Variants in PIEZO1 observed in about 807,000 individuals in gnomAD.
PIEZO1 encodes the protein piezo-type mechanosensitive ion channel component 1.
In PIEZO1, 296 loss-of-function variants were observed where a neutral mutation model predicts 297.2. That is an observed-to-expected ratio of 1.00 (90% CI 0.91 to 1.10). The LOEUF is 1.10. Among genes scored for constraint, PIEZO1 ranks in the 50% least tolerant of loss-of-function variants. The pLI is 0.00. For synonymous variants in PIEZO1, 2,427 were observed against 1,507.5 expected, an observed-to-expected ratio of 1.61 and a Z score of -14.13; for missense variants, 5,018 against 3,455.5, an observed-to-expected ratio of 1.45 and a Z score of -11.34.
At position 88,738,402 on chromosome 16, in the gene PIEZO1, G is replaced by A; in HGVS notation, c.673C>T (p.Leu225=). Residue 225 remains leucine, a synonymous_variant, in exon 7 of 51, where the codon CTG becomes TTG. Coordinates refer to ENST00000301015, the MANE Select transcript of PIEZO1 (RefSeq NM_001142864.4). The stretch of plus-strand genomic sequence containing the variant: ...CAGGTGCAGAGGGCCAGGAAGAGCA[G>A]CAGGTAGACACTGGAGAGGGCCGAG... ...HPSALSSVYL[L]LFLALCTWWA... The A allele has an allele frequency of 6.5e-7, 1 of 1,535,860 alleles. No individual in the cohort carries two copies. The highest frequency in any genetic ancestry group is 8.7e-7 in the Non-Finnish European group (1 of 1,146,848).
In PIEZO1 at chr16:88,731,862, G is replaced by A. The variant is rs1343480795; in HGVS notation, c.3040C>T (p.Leu1014=). ...VNVIGQRMNF[L]VTLHGCWLVA... ...AGCCAGCAACCGTGCAGGGTCACCAGAAAGTTCATGCGCTGCCCGATCACG... is the reference window on the plus strand; with the variant it reads ...AGCCAGCAACCGTGCAGGGTCACCAAAAAGTTCATGCGCTGCCCGATCACG... The change falls in exon 22 of 51, where the codon CTG becomes TTG. Residue 1014 remains leucine, a synonymous_variant. Transcript: ENST00000301015. The A allele has an allele frequency of 2.0e-6, 3 of 1,521,536 alleles. No individual in the cohort carries two copies. Among genetic ancestry groups the A allele is most frequent in the African/African-American group, 2.9e-5 (2 of 68,768 alleles). The allele number at this position is 1,521,536 out of a possible 1,614,324, so 94.3% of individuals were successfully genotyped here.
chr16:88,761,079 C>G (rs893772980), intron 1 of PIEZO1, among the ~76,000 whole-genome samples: 3 of 152,328 alleles, frequency 2.0e-5, no homozygotes, highest in African/African-American at 7.2e-5. Context: ...GTTTGCAGGG[C>G]AGGGTGGGGG....
At position 88,731,765 on chromosome 16, in the gene PIEZO1, G is replaced by A. The variant is rs770613391; in HGVS notation, c.3137C>T (p.Ala1046Val). ...RLWPNYCLFL[A>V]LFLLYQYLLC... ...CAGGTACTGGTACAGCAGGAACAGCGCCAGGAAGAGGCAGTAGTTGGGCCA... is the reference window on the plus strand; with the variant it reads ...CAGGTACTGGTACAGCAGGAACAGCACCAGGAAGAGGCAGTAGTTGGGCCA... Residue 1046 changes from alanine (A) to valine (V), a missense_variant, in exon 22 of 51, where the codon GCG becomes GTG. Physicochemically the swap from Ala to Val is moderately conservative, Grantham distance 64 (BLOSUM62 0). Coordinates refer to ENST00000301015, the MANE Select transcript of PIEZO1 (RefSeq NM_001142864.4). 134 of 1,549,688 alleles carry A rather than the reference G, an allele frequency of 8.6e-5. No homozygotes were observed. The highest frequency in any genetic ancestry group is 1.3e-4 in the South Asian group (11 of 84,022).
chr16:88,727,700 G>C, intron 22 of PIEZO1, 39 bp from the exon 23 acceptor site: 1 of 1,073,838 alleles, frequency 9.3e-7, no homozygotes, highest in South Asian at 1.9e-5. Context: ...GGCCGGGCCT[G>C]CCTGGGGCCT....
At chr16:88,756,890 C>A (rs938250931) in intron 1 of PIEZO1, among the ~76,000 whole-genome samples, 7 of 152,150 alleles carry the variant, frequency 4.6e-5, no homozygotes, top group Middle Eastern at 3.4e-3. Context: ...TCCTGGCCAA[C>A]ATGGTGAAAC....
chr16:88,733,228 T>G, intron 19 of PIEZO1, 50 bp downstream of exon 19: 2 of 1,502,584 alleles, frequency 1.3e-6, no homozygotes, highest in Non-Finnish European at 9.0e-7. Context: ...GGGCTGCGAA[T>G]ACAGAGTTGC....
At chr16:88,720,947 G>A (rs543589380) in intron 39 of PIEZO1, among the ~76,000 whole-genome samples, 199 bp from the exon 40 acceptor site, 1 of 152,162 alleles carries the variant, frequency 6.6e-6, no homozygotes, top group Non-Finnish European at 1.5e-5. Flanking sequence ...GCCAGCCCAG[G>A]CCAACAGTCA....
At position 88,726,867 on chromosome 16, in the gene PIEZO1, T is replaced by C. The variant is rs769112125; in HGVS notation, c.3547A>G (p.Ser1183Gly). The C allele has an allele frequency of 6.5e-7, 1 of 1,550,372 alleles. No individual in the cohort carries two copies. Among genetic ancestry groups the C allele is most frequent in the South Asian group, 1.2e-5 (1 of 84,062 alleles). The change falls in exon 25 of 51, where the codon AGC (serine) becomes GGC (glycine). Residue 1183 changes from serine (S) to glycine (G), a missense_variant. Ser to Gly is a moderately conservative substitution (Grantham distance 56). Coordinates refer to ENST00000301015, the MANE Select transcript of PIEZO1 (RefSeq NM_001142864.4). ...VVFVTGATRI[S>G]IFGLGYLLAC... is the part of the protein sequence containing the mutation. ...AGCAGGTAGCCCAGCCCGAAGATGCTGATGCGGGTGGCCCCCGTGACAAAC... is the reference window on the plus strand; with the variant it reads ...AGCAGGTAGCCCAGCCCGAAGATGCCGATGCGGGTGGCCCCCGTGACAAAC...
intron 30 of PIEZO1, among the ~76,000 whole-genome samples, 178 bp from the exon 31 acceptor site, chr16:88,724,149 C>G (rs1367567952): frequency 2.0e-5 from 3 of 152,242 alleles, no homozygotes; most frequent in Non-Finnish European, 2.9e-5. Flanking sequence ...GGCAGGGCAG[C>G]TGAGGAGCAG....
At chr16:88,743,770 C>T (rs959220995) in intron 2 of PIEZO1, 14 of 404,086 alleles carry the variant, frequency 3.5e-5, no homozygotes, top group Non-Finnish European at 6.5e-5. Flanking sequence ...ACCAGGCAGC[C>T]GAGGCAGGTT....
rs1908123335 is a variant in PIEZO1, at chr16:88,785,095, T to C, written c.-131A>G. 2.2e-6 allele frequency: 1 copy of C among 461,542 alleles called. No homozygotes were observed. Among genetic ancestry groups the C allele is most frequent in the South Asian group, 1.0e-4 (1 of 9,572 alleles). 28.6% of individuals were successfully genotyped at this position (461,542 alleles called of 1,614,324 possible). A position where few individuals can be genotyped will look rare whatever the true frequency, so the allele number is the denominator to read the frequency against. On this transcript the variant is annotated 5_prime_UTR_variant, in exon 1 of 51. Coordinates refer to ENST00000301015, the MANE Select transcript of PIEZO1 (RefSeq NM_001142864.4). The stretch of plus-strand genomic sequence containing the variant: ...GCGCGCCGCCTTCTCCTCTTCCTCC[T>C]TCTCCTTCGGCCGCCCCGCCGGTGC...
chr16:88,771,383 G>T (rs1460992742), intron 1 of PIEZO1, among the ~76,000 whole-genome samples: 2 of 152,164 alleles, frequency 1.3e-5, no homozygotes, highest in African/African-American at 4.8e-5. Flanking sequence ...TAGGAGTGCG[G>T]CGACAACAAG....
chr16:88,716,400 T>G lies in PIEZO1; in HGVS notation c.7010A>C (p.Gln2337Pro). ...ALAPNSTARR[Q>P]LASLLEGTSD... ...GGTGCCCTCGAGCAGGCTGGCCAGCTGCCGCCGTGCAGTGCTGTTGGGGGC... is the reference window on the plus strand; with the variant it reads ...GGTGCCCTCGAGCAGGCTGGCCAGCGGCCGCCGTGCAGTGCTGTTGGGGGC... The change falls in exon 48 of 51, where the codon CAG becomes CCG. Residue 2337 changes from glutamine (Q) to proline (P), a missense_variant. Transcript: ENST00000301015. 6.5e-7 allele frequency: 1 copy of G among 1,548,600 alleles called. No homozygotes were observed. Among genetic ancestry groups the G allele is most frequent in the Non-Finnish European group, 8.7e-7 (1 of 1,145,920 alleles).
Position 88,735,222 on chromosome 16 carries a change from G to A in PIEZO1, c.1582C>T (p.Leu528Phe). The A allele has an allele frequency of 6.5e-7, 1 of 1,550,314 alleles. No homozygotes were observed. Among genetic ancestry groups the A allele is most frequent in the Non-Finnish European group, 8.7e-7 (1 of 1,146,818 alleles). The change falls in exon 13 of 51, where the codon CTC (leucine) becomes TTC (phenylalanine). Residue 528 changes from leucine (L) to phenylalanine (F), a missense_variant. Physicochemically the swap from Leu to Phe is conservative, Grantham distance 22. Transcript: ENST00000301015. ...TCTTTCACAAACTGGCGCAGCAGGA[G>A]CCAGAAGGTCAGGGTGTAGAGCAAC... Reference protein sequence around the residue: ...AMLLYTLTFWLLLRQFVKEKL... With the variant: ...AMLLYTLTFWFLLRQFVKEKL...
intron 1 of PIEZO1, among the ~76,000 whole-genome samples, chr16:88,754,751 C>T (rs550411948): frequency 1.3e-5 from 2 of 152,304 alleles, no homozygotes; most frequent in Non-Finnish European, 2.9e-5. Context: ...CCCACACTGC[C>T]GGGGCCCGCA....
chr16:88,775,726 C>CAAAA (rs3052234), intron 1 of PIEZO1, among the ~76,000 whole-genome samples: 1 of 98,712 alleles, frequency 1.0e-5, no homozygotes, highest in African/African-American at 4.6e-5. Flanking sequence ...AAGACGCTGT[C>CAAAA]AAAAAAAAAA....
In PIEZO1 at chr16:88,716,137, G is replaced by T. The variant is rs1912008469; in HGVS notation, c.7130-18C>A. 23 of 1,534,716 alleles carry T rather than the reference G, an allele frequency of 1.5e-5. No individual in the cohort carries two copies. In the South Asian group the frequency reaches 2.7e-4, roughly 18 times the overall value. On this transcript the variant is annotated intron_variant, in intron 49 of 50. Coordinates refer to ENST00000301015, the MANE Select transcript of PIEZO1 (RefSeq NM_001142864.4). ...CTCCTCATCTGGGATGGAGGGAGAAGATCGTTGAGGCCGCAGGTCACCCCT... is the reference window on the plus strand; with the variant it reads ...CTCCTCATCTGGGATGGAGGGAGAATATCGTTGAGGCCGCAGGTCACCCCT...
In PIEZO1 at chr16:88,733,731, C is replaced by T. The variant is rs200970763; in HGVS notation, c.2344G>A (p.Gly782Ser). ...TQVPEGAAKW[G>S]LVAERLLELA... is the part of the protein sequence containing the mutation. ...TCCAGCAGCCGCTCAGCCACCAGGC[C>T]CCACTTGGCTGCCCCTGTGATGGTG... The change falls in exon 18 of 51, where the codon GGC (glycine) becomes AGC (serine). Residue 782 changes from glycine (G) to serine (S), a missense_variant. Transcript: ENST00000301015. The T allele has an allele frequency of 5.1e-3, 7,941 of 1,545,466 alleles. 35 individuals carry two copies. Among genetic ancestry groups the T allele is most frequent in the Non-Finnish European group, 5.9e-3 (6,780 of 1,144,220 alleles).
Position 88,735,393 on chromosome 16 carries a change from G to A in PIEZO1, c.1558-147C>T, listed in dbSNP as rs935730434. On this transcript the variant is annotated intron_variant, in intron 12 of 50. Coordinates refer to ENST00000301015, the MANE Select transcript of PIEZO1 (RefSeq NM_001142864.4). ...CCACCGCAGCCTCCCCACAGGCACC[G>A]AACACCCTCTCGCTCACACCCACTC... 2.8e-4 allele frequency: 184 copies of A among 647,444 alleles called. 1 individual carries two copies. The highest frequency in any genetic ancestry group is 4.0e-4 in the Middle Eastern group (1 of 2,530). 40.1% of individuals were successfully genotyped at this position (647,444 alleles called of 1,614,324 possible). A position where few individuals can be genotyped will look rare whatever the true frequency, so the allele number is the denominator to read the frequency against.
Sources: allele counts gnomAD v4.1 joint callset (sites outside exome capture counted in the v4.1 genomes callset), GRCh38; gene constraint gnomAD v4.1.1; transcripts MANE v1.5; gene names NCBI Gene and HGNC (gene_info 2026-07-23, HGNC 2026-07-21).